Variants in SERP2 observed in about 807,000 individuals in gnomAD.
SERP2 encodes the protein stress associated endoplasmic reticulum protein family member 2.
In SERP2, 6 loss-of-function variants were observed where a neutral mutation model predicts 9.1. The observed-to-expected ratio is 0.66, with a 90% CI of 0.36 to 1.30. The LOEUF is 1.30. Ranked by LOEUF, SERP2 falls within the 50% of genes most tolerant of loss-of-function variation. The pLI is 0.03. For synonymous variants in SERP2, 37 were observed against 27.3 expected (o/e 1.35, Z -1.10); for missense variants, 58 against 81.9 (o/e 0.71, Z 1.13).
intron 1 of SERP2, among the ~76,000 whole-genome samples, chr13:44,377,607 G>A (rs955020395): frequency 1.3e-5 from 2 of 152,180 alleles, no homozygotes; most frequent in Admixed American, 6.5e-5. Context: ...TGTAAGTGGT[G>A]GTAGATACAG....
intron 2 of SERP2, among the ~76,000 whole-genome samples, chr13:44,388,659 C>G (rs915282555): frequency 6.6e-6 from 1 of 152,222 alleles, no homozygotes; most frequent in African/African-American, 2.4e-5. Flanking sequence ...TTCTCCAGGG[C>G]CTCTGCCTGC....
At chr13:44,374,417 A>G (rs1229377107) in intron 1 of SERP2, among the ~76,000 whole-genome samples, 1 of 152,180 alleles carries the variant, frequency 6.6e-6, no homozygotes, top group African/African-American at 2.4e-5. Flanking sequence ...CCTGCCCGGG[A>G]GACAGCTGGG....
intron 1 of SERP2, among the ~76,000 whole-genome samples, chr13:44,375,566 T>C (rs898256067): frequency 2.0e-5 from 3 of 152,180 alleles, no homozygotes; most frequent in Non-Finnish European, 4.4e-5. Flanking sequence ...CAACTTATAA[T>C]TGATGTTAAG....
intron 2 of SERP2, chr13:44,390,813 T>C (rs1217334845): frequency 6.4e-6 from 1 of 155,998 alleles, no homozygotes; most frequent in Non-Finnish European, 1.4e-5. Context: ...TGACTTTCTT[T>C]GTGCTGATTC....
At chr13:44,393,538 C>G (rs1486124786) in intron 2 of SERP2, among the ~76,000 whole-genome samples, 1 of 152,176 alleles carries the variant, frequency 6.6e-6, no homozygotes, top group Non-Finnish European at 1.5e-5. Context: ...ATCGCCTGCC[C>G]TGGAACGCCT....
intron 2 of SERP2, chr13:44,396,109 T>C (rs1281541238): frequency 5.1e-6 from 1 of 195,944 alleles, no homozygotes; most frequent in Non-Finnish European, 1.1e-5. Context: ...ACAGTGTTTT[T>C]ACGGGGAAAA....
chr13:44,387,174 T>A (rs1872364418), intron 2 of SERP2, among the ~76,000 whole-genome samples: 1 of 152,206 alleles, frequency 6.6e-6, no homozygotes. Context: ...TCAACTGCTA[T>A]CTTCTCAAGG....
intron 2 of SERP2, among the ~76,000 whole-genome samples, chr13:44,383,213 T>C (rs937053650): frequency 6.6e-6 from 1 of 151,358 alleles, no homozygotes. Context: ...AAGATATATA[T>C]AGGCTTCAAG....
Position 44,397,672 on chromosome 13 carries a change from A to G in SERP2, c.*360A>G. 1 of 301,596 alleles carries G rather than the reference A, an allele frequency of 3.3e-6. No individual in the cohort carries two copies. The highest frequency in any genetic ancestry group is 6.3e-6 in the Non-Finnish European group (1 of 159,160). The allele number at this position is 301,596 out of a possible 1,614,324, so 18.7% of individuals were successfully genotyped here. On this transcript the variant is annotated 3_prime_UTR_variant, in exon 3 of 3. Transcript: ENST00000379179. ...TTTCTATGGATACAATCTCTCCTCC[A>G]TTGAGAATTGATTTTACAAATAAAT...
chr13:44,385,150 A>G (rs1028095706), intron 2 of SERP2, among the ~76,000 whole-genome samples: 12 of 152,212 alleles, frequency 7.9e-5, no homozygotes, highest in Admixed American at 2.6e-4. Context: ...TAAAAAGTCT[A>G]CAGGACCCCT....
At chr13:44,389,340 T>G (rs537941454) in intron 2 of SERP2, among the ~76,000 whole-genome samples, 2 of 152,288 alleles carry the variant, frequency 1.3e-5, no homozygotes, top group South Asian at 4.1e-4. Flanking sequence ...TCAGTTCTTC[T>G]CTTCTTAAAA....
chr13:44,385,321 G>A (rs569236268), intron 2 of SERP2, among the ~76,000 whole-genome samples: 2 of 152,254 alleles, frequency 1.3e-5, no homozygotes, highest in East Asian at 3.9e-4. Flanking sequence ...GTAGTGAGGG[G>A]ACACAGTCCA....
chr13:44,388,900 T>A (rs1872479597), intron 2 of SERP2, among the ~76,000 whole-genome samples: 1 of 152,182 alleles, frequency 6.6e-6, no homozygotes, highest in Admixed American at 6.5e-5. Context: ...CAGGACTGGC[T>A]GTTCTGTTAA....
At chr13:44,385,114 T>C (rs1245706712) in intron 2 of SERP2, among the ~76,000 whole-genome samples, 1 of 152,230 alleles carries the variant, frequency 6.6e-6, no homozygotes, top group Non-Finnish European at 1.5e-5. Flanking sequence ...CTCTGTTTTA[T>C]GTGGAAAAAC....
intron 2 of SERP2, among the ~76,000 whole-genome samples, chr13:44,382,492 A>G (rs990809099): frequency 6.6e-6 from 1 of 151,806 alleles, no homozygotes; most frequent in Non-Finnish European, 1.5e-5. Flanking sequence ...CTATGCCTTT[A>G]TCATACCACA....
intron 1 of SERP2, among the ~76,000 whole-genome samples, chr13:44,374,823 G>A (rs1871551530): frequency 6.6e-6 from 1 of 152,036 alleles, no homozygotes; most frequent in Admixed American, 6.6e-5. Flanking sequence ...AAAGTCTAAG[G>A]GCAGCATTCC....
chr13:44,381,331 T>G (rs1405807652), intron 2 of SERP2, among the ~76,000 whole-genome samples: 1 of 151,134 alleles, frequency 6.6e-6, no homozygotes, highest in African/African-American at 2.4e-5. Flanking sequence ...TCACAAGGTC[T>G]GGAGTTCGAG....
chr13:44,391,606 G>A (rs542787854), intron 2 of SERP2, among the ~76,000 whole-genome samples: 158 of 152,310 alleles, frequency 1.0e-3, no homozygotes, highest in South Asian at 1.9e-3. Context: ...ATCATACAAT[G>A]CAAAGGACTG....
chr13:44,373,987 G>A lies in SERP2; in HGVS notation c.-39G>A. 1 of 1,550,730 alleles carries A rather than the reference G, an allele frequency of 6.4e-7. No homozygotes were observed. The highest frequency in any genetic ancestry group is 8.8e-7 in the Non-Finnish European group (1 of 1,139,566). On this transcript the variant is annotated 5_prime_UTR_variant, in exon 1 of 3. Coordinates refer to ENST00000379179, the MANE Select transcript of SERP2 (RefSeq NM_001010897.3). This position sits in a 1 kb window ranked among gnomAD's most constrained non-coding sequence, Gnocchi z 4.8. ...CCTGTCGCAGGAGCTAACGCAGGGG[G>A]AATCCTTGCAGGTGGGAGCATTTCA... is the stretch of plus-strand genomic sequence containing the variant.
Sources: allele counts gnomAD v4.1 joint callset (sites outside exome capture counted in the v4.1 genomes callset), GRCh38; gene constraint gnomAD v4.1.1; non-coding constraint Gnocchi (gnomAD v3.1); transcripts MANE v1.5; gene names NCBI Gene and HGNC (gene_info 2026-07-23, HGNC 2026-07-21).